The following DMD variants were observed in gnomAD, a reference collection of about 807,000 sequenced individuals.
DMD encodes mutant dystrophin.
DMD carries 63 observed loss-of-function variants against 330.1 expected under a neutral mutation model. That is an observed-to-expected ratio of 0.19 (90% CI 0.16 to 0.24). The LOEUF (loss-of-function observed/expected upper bound fraction) is 0.24. Among genes scored for constraint, DMD ranks in the 10% least tolerant of loss-of-function variants. The pLI is 1.00. For synonymous variants in DMD, 1,223 were observed against 959.8 expected (o/e 1.27, Z -5.07); for missense variants, 3,344 against 2,684.1 (o/e 1.25, Z -5.43).
intron 44 of DMD, among the ~76,000 whole-genome samples, chrX:32,068,908 G>T (rs899904721): frequency 9.0e-6 from 1 of 111,200 alleles, no homozygotes; most frequent in Non-Finnish European, 1.9e-5. Context: ...TATAAATTCC[G>T]AATTGGAACA....
intron 28 of DMD, among the ~76,000 whole-genome samples, chrX:32,440,206 A>C (rs1343115811): frequency 8.9e-6 from 1 of 112,028 alleles, no homozygotes; most frequent in Admixed American, 9.5e-5. Flanking sequence ...TTGCTGATTC[A>C]CAAGAAATGT....
chrX:32,590,509 A>T (rs1031416660), intron 13 of DMD, among the ~76,000 whole-genome samples: 3 of 111,140 alleles, frequency 2.7e-5, no homozygotes, highest in Non-Finnish European at 3.8e-5. Context: ...CCCACCCTCA[A>T]TGTGGGTGGG....
At chrX:32,961,627 A>G (rs1423505883) in intron 2 of DMD, among the ~76,000 whole-genome samples, 1 of 111,758 alleles carries the variant, frequency 8.9e-6, no homozygotes, top group African/African-American at 3.2e-5. Flanking sequence ...AAAGAAAGTA[A>G]TCATTTTTCC....
intron 43 of DMD, among the ~76,000 whole-genome samples, chrX:32,243,878 G>C (rs1350532775): frequency 9.1e-6 from 1 of 109,686 alleles, no homozygotes; most frequent in Non-Finnish European, 1.9e-5. Flanking sequence ...TCAGGTATTA[G>C]TTTATATAAA....
At chrX:33,298,702 T>C (rs1431718579) in intron 1 of DMD, among the ~76,000 whole-genome samples, 2 of 111,970 alleles carry the variant, frequency 1.8e-5, no homozygotes, top group Non-Finnish European at 3.8e-5. Context: ...CTCAGGAAGA[T>C]AAAACAGCCA....
At chrX:32,885,534 A>G (rs767667189) in intron 2 of DMD, among the ~76,000 whole-genome samples, 1 of 111,804 alleles carries the variant, frequency 8.9e-6, no homozygotes, top group East Asian at 2.8e-4. Flanking sequence ...GAGATAAACT[A>G]CTGGTATAAG....
At chrX:32,928,678 G>C (rs1305177138) in intron 2 of DMD, among the ~76,000 whole-genome samples, 1 of 111,702 alleles carries the variant, frequency 9.0e-6, no homozygotes, top group Admixed American at 9.5e-5. Flanking sequence ...GCAATTGAGA[G>C]TTCTTTCTAA....
chrX:31,877,640 C>T (rs1457334029), intron 47 of DMD, among the ~76,000 whole-genome samples: 1 of 106,653 alleles, frequency 9.4e-6, no homozygotes, highest in African/African-American at 3.4e-5. Context: ...AGTTCACATC[C>T]ATAACTACAC....
intron 50 of DMD, among the ~76,000 whole-genome samples, chrX:31,795,695 G>A (rs1212914207): frequency 9.0e-6 from 1 of 111,290 alleles, no homozygotes; most frequent in Non-Finnish European, 1.9e-5. Context: ...ATGTCACCAG[G>A]GTAACATAAA....
intron 1 of DMD, among the ~76,000 whole-genome samples, chrX:33,273,552 A>G (rs994894132): frequency 6.2e-5 from 7 of 112,344 alleles, no homozygotes; most frequent in African/African-American, 1.9e-4. Context: ...ATATCAAATG[A>G]TATCCCTTAC....
intron 1 of DMD, among the ~76,000 whole-genome samples, chrX:33,025,397 T>C (rs1275615252): frequency 9.0e-6 from 1 of 111,139 alleles, no homozygotes; most frequent in Non-Finnish European, 1.9e-5. Flanking sequence ...AGGAGCGAGA[T>C]GCTGGAGAGC....
chrX:33,230,123 C>T (rs1287038273), intron 1 of DMD, among the ~76,000 whole-genome samples: 1 of 110,662 alleles, frequency 9.0e-6, no homozygotes, highest in African/African-American at 3.4e-5. Flanking sequence ...GCTAAATATA[C>T]ACCATATGTG....
intron 50 of DMD, among the ~76,000 whole-genome samples, chrX:31,778,418 C>T (rs1247589203): frequency 9.0e-6 from 1 of 111,108 alleles, no homozygotes; most frequent in East Asian, 2.8e-4. Flanking sequence ...ATCGACCTCT[C>T]ACATTAGAGC....
chrX:32,618,351 G>A (rs1476758904), intron 11 of DMD, among the ~76,000 whole-genome samples: 7 of 111,896 alleles, frequency 6.3e-5, no homozygotes, highest in Non-Finnish European at 1.3e-4. Context: ...GTAAGATTAT[G>A]TTCTTTGCAG....
intron 62 of DMD, among the ~76,000 whole-genome samples, chrX:31,322,788 T>G (rs777769102): frequency 8.9e-6 from 1 of 112,395 alleles, no homozygotes; most frequent in African/African-American, 3.2e-5. Flanking sequence ...GTCAGACTCA[T>G]GGCAGAAGCA....
intron 21 of DMD, among the ~76,000 whole-genome samples, chrX:32,481,157 A>T (rs2041853225): frequency 1.8e-5 from 2 of 109,690 alleles, no homozygotes; most frequent in African/African-American, 6.6e-5. Context: ...CTACCCTTAA[A>T]ATTTTCTTCT....
chrX:31,340,344 C>A (rs1238782882), intron 61 of DMD, among the ~76,000 whole-genome samples: 1 of 112,493 alleles, frequency 8.9e-6, no homozygotes, highest in African/African-American at 3.2e-5. Context: ...CCCATTGCCA[C>A]TGCAAGAGGT....
intron 30 of DMD, among the ~76,000 whole-genome samples, chrX:32,390,843 A>G (rs1037880352): frequency 9.0e-6 from 1 of 111,397 alleles, no homozygotes; most frequent in Non-Finnish European, 1.9e-5. Flanking sequence ...CTCAGTCATT[A>G]TGTGCCATAT....
intron 13 of DMD, among the ~76,000 whole-genome samples, chrX:32,591,926 G>C (rs1040659043): frequency 1.8e-4 from 20 of 112,818 alleles, no homozygotes; most frequent in African/African-American, 6.1e-4. Context: ...CCAAGACCAG[G>C]TGTTGTCGCA....
Sources: allele counts gnomAD v4.1 joint callset (sites outside exome capture counted in the v4.1 genomes callset), GRCh38; gene constraint gnomAD v4.1.1; transcripts MANE v1.5; gene names NCBI Gene and HGNC (gene_info 2026-07-23, HGNC 2026-07-21).